CSRNP3: variants seen among roughly 807,000 people sequenced by gnomAD.
CSRNP3 encodes cysteine and serine rich nuclear protein 3.
Under a neutral mutation model 48.0 loss-of-function variants are expected in CSRNP3, and 12 were observed. The observed-to-expected ratio is 0.25, with a 90% CI of 0.16 to 0.41. CSRNP3 has a LOEUF of 0.41. Among genes scored for constraint, CSRNP3 ranks in the 10% least tolerant of loss-of-function variants. The probability of loss-of-function intolerance (pLI) is 1.00; values close to 1 mark genes in which losing one functional copy is unlikely to be tolerated. For synonymous variants in CSRNP3, 263 were observed against 269.7 expected, an observed-to-expected ratio of 0.98 and a Z score of 0.24; for missense variants, 580 against 724.4, an observed-to-expected ratio of 0.80 and a Z score of 2.29.
intron 2 of CSRNP3, among the ~76,000 whole-genome samples, chr2:165,513,426 C>A (rs1435857182): frequency 1.3e-5 from 2 of 152,064 alleles, no homozygotes; most frequent in Non-Finnish European, 2.9e-5. Flanking sequence ...CAGAAGTCGT[C>A]AACTTAGAGG....
At chr2:165,665,497 G>A (rs886307034) in intron 5 of CSRNP3, among the ~76,000 whole-genome samples, 3 of 151,980 alleles carry the variant, frequency 2.0e-5, no homozygotes, top group East Asian at 1.9e-4. Context: ...AGGGTGGCTC[G>A]CACCTGTAAT....
intron 1 of CSRNP3, among the ~76,000 whole-genome samples, chr2:165,494,443 C>T (rs975424385): frequency 2.6e-5 from 4 of 152,082 alleles, no homozygotes; most frequent in Admixed American, 2.6e-4. Context: ...TTTACTAGAA[C>T]AAATCAAATA....
intron 4 of CSRNP3, among the ~76,000 whole-genome samples, chr2:165,636,998 C>T (rs1686639152): frequency 6.6e-6 from 1 of 152,100 alleles, no homozygotes; most frequent in Non-Finnish European, 1.5e-5. Flanking sequence ...AGTTCTGATC[C>T]AGATAGGTTT....
rs189950169 is a variant in CSRNP3 at position 165,609,102 on chromosome 2, G to A, written c.148+13889G>A. Among the ~76,000 whole-genome samples, 452 of 146,914 alleles carry A rather than the reference G, an allele frequency of 3.1e-3. 5 individuals are homozygous for A. Among genetic ancestry groups the A allele is most frequent in the Admixed American group, 7.1e-3 (103 of 14,606 alleles). On this transcript the variant is annotated intron_variant, in intron 4 of 6. Coordinates refer to ENST00000651982, the MANE Select transcript of CSRNP3 (RefSeq NM_001172173.2). ...AGCCTGGGCGACAGAGCAAGACTCC[G>A]TCTCAAGAAAAAAAAAAAGTAGTGT...
chr2:165,657,108 A>G (rs1200529719), intron 4 of CSRNP3, among the ~76,000 whole-genome samples: 1 of 152,150 alleles, frequency 6.6e-6, no homozygotes, highest in Non-Finnish European at 1.5e-5. Context: ...CAAGGATTTG[A>G]ATCTTCTCTT....
At chr2:165,510,855 A>G (rs1449064255) in intron 2 of CSRNP3, among the ~76,000 whole-genome samples, 3 of 152,190 alleles carry the variant, frequency 2.0e-5, no homozygotes, top group African/African-American at 7.2e-5. Flanking sequence ...TTTTGGATTC[A>G]TCAATAAATG....
At chr2:165,603,490 A>G (rs1235066571) in intron 4 of CSRNP3, among the ~76,000 whole-genome samples, 1 of 152,122 alleles carries the variant, frequency 6.6e-6, no homozygotes, top group Non-Finnish European at 1.5e-5. Flanking sequence ...TTACAAATTC[A>G]GATCATAACC....
intron 4 of CSRNP3, among the ~76,000 whole-genome samples, chr2:165,628,728 A>G (rs1244014711): frequency 6.6e-6 from 1 of 152,060 alleles, no homozygotes. Context: ...CTGTCTCCAA[A>G]AAAAATAAAT....
At chr2:165,572,154 T>TA (rs72098313) in intron 3 of CSRNP3, among the ~76,000 whole-genome samples, 6 of 151,718 alleles carry the variant, frequency 4.0e-5, no homozygotes, top group African/African-American at 7.2e-5. Context: ...TTTTCTATAA[T>TA]AAAAAAAAAT....
chr2:165,533,890 T>C (rs1041259183), intron 3 of CSRNP3, among the ~76,000 whole-genome samples: 5 of 152,016 alleles, frequency 3.3e-5, no homozygotes, highest in Admixed American at 2.6e-4. Flanking sequence ...GAAAACTTTT[T>C]ATAAATGGGG....
chr2:165,501,099 T>C (rs1360117271), intron 2 of CSRNP3, among the ~76,000 whole-genome samples: 2 of 152,124 alleles, frequency 1.3e-5, no homozygotes, highest in East Asian at 3.9e-4. Context: ...AAGAACTCTT[T>C]ACTTGCCAAA....
At chr2:165,502,931 TTGTGTATGTGTGTG>T (rs972911928) in intron 2 of CSRNP3, among the ~76,000 whole-genome samples, 22 of 151,906 alleles carry the variant, frequency 1.4e-4, no homozygotes, top group African/African-American at 4.3e-4. Flanking sequence ...ATCATTTGCC[TTGTGTATGTGTGTG>T]TGTGTATGTG....
intron 2 of CSRNP3, among the ~76,000 whole-genome samples, chr2:165,496,787 T>A (rs985679301): frequency 6.6e-6 from 1 of 151,974 alleles, no homozygotes; most frequent in African/African-American, 2.4e-5. Flanking sequence ...CGTGATTTTG[T>A]TTTTTTAAAT....
At chr2:165,594,993 G>C (rs774695880) in intron 3 of CSRNP3, 50 bp from the exon 4 acceptor site, 2 of 1,563,834 alleles carry the variant, frequency 1.3e-6, no homozygotes, top group Non-Finnish European at 1.7e-6. Context: ...TTGGCTACAC[G>C]TTCAGCGGTC....
chr2:165,620,231 A>G (rs969394118), intron 4 of CSRNP3, among the ~76,000 whole-genome samples: 1 of 152,172 alleles, frequency 6.6e-6, no homozygotes, highest in Admixed American at 6.5e-5. Flanking sequence ...AAAATTGTCC[A>G]AGAAATCTAA....
chr2:165,480,041 C>T (rs1048822782), intron 1 of CSRNP3, among the ~76,000 whole-genome samples: 11 of 152,138 alleles, frequency 7.2e-5, no homozygotes, highest in Admixed American at 2.6e-4. Context: ...GAATTCTGCT[C>T]CTTGGGCTGA....
At chr2:165,637,840 A>G (rs1432826822) in intron 4 of CSRNP3, among the ~76,000 whole-genome samples, 2 of 152,230 alleles carry the variant, frequency 1.3e-5, no homozygotes, top group African/African-American at 2.4e-5. Flanking sequence ...AAAACAGTGT[A>G]CAGATACAGA....
At chr2:165,600,294 T>C (rs1230567847) in intron 4 of CSRNP3, among the ~76,000 whole-genome samples, 2 of 148,918 alleles carry the variant, frequency 1.3e-5, no homozygotes, top group African/African-American at 5.0e-5. Context: ...TAGTATTCCA[T>C]GGTGTATATG....
At chr2:165,589,707 C>T (rs1344420513) in intron 3 of CSRNP3, among the ~76,000 whole-genome samples, 1 of 152,066 alleles carries the variant, frequency 6.6e-6, no homozygotes, top group Non-Finnish European at 1.5e-5. Context: ...AAAAAAGAGG[C>T]TTTTTAATTA....
Sources: gnomAD v4.1 joint callset for allele counts (sites outside exome capture counted in the v4.1 genomes callset) on GRCh38, gnomAD v4.1.1 for gene constraint, MANE v1.5 for transcripts, NCBI Gene and HGNC (gene_info 2026-07-23, HGNC 2026-07-21) for gene names.